The following MCPH1 variants were observed in gnomAD, a reference collection of about 807,000 sequenced individuals.
The protein encoded by MCPH1 is microcephalin 1, also known as microcephalin.
In MCPH1, 104 loss-of-function variants were observed where a neutral mutation model predicts 84.5. The observed-to-expected ratio is 1.23, with a 90% confidence interval of 1.05 to 1.45. MCPH1 has a LOEUF of 1.45. MCPH1 is among the 40% of genes most tolerant of loss of function. The pLI is 0.00. For synonymous variants in MCPH1, 514 were observed against 366.8 expected (o/e 1.40, Z -4.58); for missense variants, 1,498 against 1,005.7 (o/e 1.49, Z -6.62).
At chr8:6,595,835 C>A (rs550353795) in intron 12 of MCPH1, among the ~76,000 whole-genome samples, 4 of 152,160 alleles carry the variant, frequency 2.6e-5, no homozygotes, top group African/African-American at 9.7e-5. Flanking sequence ...GAGTCAGATA[C>A]AATTGGGCAG....
rs56044000 is a variant in MCPH1, at chr8:6,578,238, T to A, written c.2215-43216T>A. On this transcript the variant is annotated intron_variant, in intron 12 of 13. Coordinates refer to ENST00000344683, the MANE Select transcript of MCPH1 (RefSeq NM_024596.5). ...AATGGGTAGAAATTCTTTCCCAAAC[T>A]GGTATTTCTAGTAAAGCACTCAGCC... Among the ~76,000 whole-genome samples, 4,424 of 152,290 alleles carry A rather than the reference T, an allele frequency of 0.029. 365 individuals are homozygous for A. In the East Asian group the frequency reaches 0.31, roughly 11 times the overall value.
intron 12 of MCPH1, among the ~76,000 whole-genome samples, chr8:6,526,867 A>C (rs1419741596): frequency 6.6e-6 from 1 of 152,072 alleles, no homozygotes; most frequent in East Asian, 1.9e-4. Flanking sequence ...AACAGTCCCC[A>C]CCTATCCCCT....
At position 6,445,292 on chromosome 8, in the gene MCPH1, G is replaced by T. The variant is rs1199223498; in HGVS notation, c.1570G>T (p.Gly524Cys). 2.5e-6 allele frequency: 4 copies of T among 1,614,094 alleles called. No homozygotes were observed. In the African/African-American group the frequency reaches 4.0e-5, roughly 16 times the overall value. ...AGAAGACGCATGCCCAGAGGGAAAT[G>T]GCTTTTCTTACACCATTGAGGACCC... Reference protein sequence around the residue: ...GKEDACPEGNGFSYTIEDPAL... With the variant: ...GKEDACPEGNCFSYTIEDPAL... Residue 524 changes from glycine (G) to cysteine (C), a missense_variant, in exon 8 of 14, where the codon GGC becomes TGC. Transcript: ENST00000344683.
chr8:6,597,032 T>TG (rs1828982898), intron 12 of MCPH1, among the ~76,000 whole-genome samples: 1 of 152,098 alleles, frequency 6.6e-6, no homozygotes, highest in Non-Finnish European at 1.5e-5. Context: ...AAGGATGCAA[T>TG]GGGGCCAGGT....
At chr8:6,526,434 CA>C (rs796967069) in intron 12 of MCPH1, among the ~76,000 whole-genome samples, 13 of 138,898 alleles carry the variant, frequency 9.4e-5, no homozygotes, top group South Asian at 2.3e-4. Flanking sequence ...GACCCTGTCT[CA>C]AAAAAAAAAC....
At chr8:6,570,455 TG>T (rs1826560464) in intron 12 of MCPH1, among the ~76,000 whole-genome samples, 1 of 152,206 alleles carries the variant, frequency 6.6e-6, no homozygotes, top group Non-Finnish European at 1.5e-5. Flanking sequence ...TTTCCTTTCC[TG>T]GGAAACAGCC....
At chr8:6,527,738 C>A in intron 12 of MCPH1, 2 of 1,446,550 alleles carry the variant, frequency 1.4e-6, no homozygotes, top group African/African-American at 1.4e-5. Context: ...TTTCTAACTT[C>A]CTTTTCATTA....
intron 9 of MCPH1, among the ~76,000 whole-genome samples, chr8:6,468,969 G>A (rs144182817): frequency 0.014 from 2,195 of 152,178 alleles, 57 homozygotes; most frequent in African/African-American, 0.051. Flanking sequence ...CAGGAGGATC[G>A]CTTGAGGCCA....
At chr8:6,563,170 G>A (rs1167534900) in intron 12 of MCPH1, 1 of 383,754 alleles carries the variant, frequency 2.6e-6, no homozygotes, top group African/African-American at 2.0e-5. Context: ...TGCTCACTTG[G>A]GAGGGCTGTG....
chr8:6,609,636 A>T (rs769208878), intron 12 of MCPH1, among the ~76,000 whole-genome samples: 22 of 152,236 alleles, frequency 1.4e-4, no homozygotes, highest in Non-Finnish European at 2.9e-4. Context: ...TGGCTTTTGG[A>T]AAAGCTAAGC....
chr8:6,570,367 A>C (rs768582034), intron 12 of MCPH1, among the ~76,000 whole-genome samples: 1 of 152,206 alleles, frequency 6.6e-6, no homozygotes, highest in African/African-American at 2.4e-5. Context: ...AAGGTGAGCA[A>C]ATGTATATTT....
chr8:6,485,881 C>A (rs1019392634), intron 11 of MCPH1, among the ~76,000 whole-genome samples: 1 of 152,114 alleles, frequency 6.6e-6, no homozygotes, highest in African/African-American at 2.4e-5. Flanking sequence ...CGATGACTCT[C>A]GCTGGCACAA....
chr8:6,509,421 G>A lies in MCPH1; in HGVS notation c.2214+9492G>A, dbSNP rs140873478. Among the ~76,000 whole-genome samples, 18 of 152,260 alleles carry A rather than the reference G, an allele frequency of 1.2e-4. No individual in the cohort carries two copies. The South Asian group carries it at 1.4e-3, about 12-fold the overall frequency. ...GTCTCCAGTCATCTTCCATAGAGAC[G>A]GAGTCCTGAGACAACTGGACAACCT... On this transcript the variant is annotated intron_variant, in intron 12 of 13. Transcript: ENST00000344683.
chr8:6,526,853 T>A (rs1330868414), intron 12 of MCPH1, among the ~76,000 whole-genome samples: 1 of 152,218 alleles, frequency 6.6e-6, no homozygotes, highest in African/African-American at 2.4e-5. Flanking sequence ...AACAGACATA[T>A]GAAAACAGTC....
chr8:6,508,702 C>T (rs1436298706), intron 12 of MCPH1: 2 of 629,364 alleles, frequency 3.2e-6, no homozygotes, highest in East Asian at 2.7e-5. Context: ...GGGCTAGGTC[C>T]TGAGGAGACA....
At chr8:6,525,741 T>C (rs1381158688) in intron 12 of MCPH1, among the ~76,000 whole-genome samples, 1 of 152,232 alleles carries the variant, frequency 6.6e-6, no homozygotes, top group Non-Finnish European at 1.5e-5. Context: ...CTTTTTTTAT[T>C]ATTTATAGCT....
intron 11 of MCPH1, among the ~76,000 whole-genome samples, chr8:6,495,851 A>G (rs1023931787): frequency 1.3e-5 from 2 of 152,220 alleles, no homozygotes; most frequent in African/African-American, 4.8e-5. Context: ...TTTGAAATCA[A>G]CTACATTCCT....
At chr8:6,573,465 G>C (rs1826829187) in intron 12 of MCPH1, among the ~76,000 whole-genome samples, 1 of 152,106 alleles carries the variant, frequency 6.6e-6, no homozygotes, top group African/African-American at 2.4e-5. Flanking sequence ...ACTTAAAAAT[G>C]CTAAAATAAA....
At chr8:6,582,762 A>G (rs1479714578) in intron 12 of MCPH1, among the ~76,000 whole-genome samples, 2 of 151,908 alleles carry the variant, frequency 1.3e-5, no homozygotes, top group Non-Finnish European at 2.9e-5. Flanking sequence ...TTATTTCTCT[A>G]CTGTTTCGCT....
Sources: allele counts gnomAD v4.1 joint callset (sites outside exome capture counted in the v4.1 genomes callset), GRCh38; gene constraint gnomAD v4.1.1; transcripts MANE v1.5; gene names NCBI Gene and HGNC (gene_info 2026-07-23, HGNC 2026-07-21).